Variants in SNAP25 observed in about 807,000 individuals in gnomAD.
The protein encoded by SNAP25 is synaptosomal-associated protein 25.
SNAP25 carries 3 observed loss-of-function variants against 28.7 expected under a neutral mutation model. That is an observed-to-expected ratio of 0.10 (90% CI 0.05 to 0.27). The LOEUF (loss-of-function observed/expected upper bound fraction) is 0.27. Ranked by LOEUF, SNAP25 falls within the 10% of genes least tolerant of loss-of-function variation. The probability of loss-of-function intolerance (pLI) is 1.00; values close to 1 mark genes in which losing one functional copy is unlikely to be tolerated. For synonymous variants in SNAP25, 61 were observed against 88.1 expected (o/e 0.69, Z 1.72); for missense variants, 117 against 278.7 (o/e 0.42, Z 4.13).
intron 1 of SNAP25, among the ~76,000 whole-genome samples, chr20:10,265,669 G>C (rs1326163811): frequency 1.3e-5 from 2 of 152,218 alleles, no homozygotes; most frequent in Non-Finnish European, 2.9e-5. Context: ...CTTTCAGTCA[G>C]CTTGGGAGGT....
intron 1 of SNAP25, among the ~76,000 whole-genome samples, chr20:10,241,728 G>A (rs1450392729): frequency 6.6e-6 from 1 of 152,134 alleles, no homozygotes; most frequent in Non-Finnish European, 1.5e-5. Flanking sequence ...GGGGCAAGGT[G>A]GGTGCTTTCA....
At chr20:10,271,930 C>A (rs1192703133) in intron 1 of SNAP25, among the ~76,000 whole-genome samples, 1 of 152,174 alleles carries the variant, frequency 6.6e-6, no homozygotes, top group Non-Finnish European at 1.5e-5. Context: ...AGGAACCCAG[C>A]AGCAAAATAT....
intron 7 of SNAP25, 35 bp from the exon 8 acceptor site, chr20:10,306,094 T>A (rs770473519): frequency 3.7e-6 from 6 of 1,607,278 alleles, no homozygotes; most frequent in Non-Finnish European, 4.3e-6. Context: ...TTTTAAGGGG[T>A]AACCTGAGTT....
intron 1 of SNAP25, among the ~76,000 whole-genome samples, chr20:10,267,176 A>C (rs1317719076): frequency 2.0e-5 from 3 of 152,316 alleles, no homozygotes; most frequent in East Asian, 3.9e-4. Flanking sequence ...GAAATTTAAA[A>C]CTATATAGAA....
intron 1 of SNAP25, among the ~76,000 whole-genome samples, chr20:10,228,404 C>G (rs1043768087): frequency 2.0e-5 from 3 of 152,112 alleles, no homozygotes; most frequent in African/African-American, 7.2e-5. Flanking sequence ...CATTGAGATC[C>G]TCTAACAGAA....
chr20:10,268,052 G>A (rs1403315948), intron 1 of SNAP25, among the ~76,000 whole-genome samples: 2 of 152,168 alleles, frequency 1.3e-5, no homozygotes, highest in Non-Finnish European at 2.9e-5. Flanking sequence ...CTGAAAGTTT[G>A]TGTAAAGGTA....
At chr20:10,299,134 T>C (rs183579949) in intron 6 of SNAP25, 134 bp from the exon 7 acceptor site, 1 of 1,012,996 alleles carries the variant, frequency 9.9e-7, no homozygotes, top group East Asian at 2.6e-5. Flanking sequence ...AAAATGTGTT[T>C]TTGTACTGGA....
rs759654729 is a variant in SNAP25, at chr20:10,293,032, G to A, written c.164-129G>A. On this transcript the variant is annotated intron_variant, in intron 4 of 7. Coordinates refer to ENST00000254976, the MANE Select transcript of SNAP25 (RefSeq NM_130811.4). The surrounding 1 kb of genome is among the most constrained non-coding windows in gnomAD (Gnocchi z 5.6). ...CTGGGTACCAGCTCTAATCTGTGGCGTCCAGTTTTCTTTCTTTTTTTTTTT... is the reference window on the plus strand; with the variant it reads ...CTGGGTACCAGCTCTAATCTGTGGCATCCAGTTTTCTTTCTTTTTTTTTTT... The A allele has an allele frequency of 2.4e-5, 35 of 1,469,482 alleles. No individual in the cohort carries two copies. Among genetic ancestry groups the A allele is most frequent in the Non-Finnish European group, 2.7e-5 (29 of 1,079,532 alleles). 91.0% of individuals were successfully genotyped at this position (1,469,482 alleles called of 1,614,324 possible).
At chr20:10,273,817 T>G (rs1268633297) in intron 1 of SNAP25, among the ~76,000 whole-genome samples, 1 of 152,204 alleles carries the variant, frequency 6.6e-6, no homozygotes, top group African/African-American at 2.4e-5. Context: ...AGCCCATGCC[T>G]TCTTCAAATG....
intron 6 of SNAP25, 73 bp from the exon 7 acceptor site, chr20:10,299,195 C>G (rs1326193644): frequency 1.3e-6 from 2 of 1,527,588 alleles, no homozygotes; most frequent in Middle Eastern, 1.7e-4. Context: ...CAGATTTCCA[C>G]TATGCTTTGG....
intron 1 of SNAP25, among the ~76,000 whole-genome samples, chr20:10,227,564 G>T (rs1665610245): frequency 1.3e-5 from 2 of 152,060 alleles, no homozygotes; most frequent in Admixed American, 1.3e-4. Context: ...AATTACTTAG[G>T]TTTACCCTAA....
intron 1 of SNAP25, among the ~76,000 whole-genome samples, chr20:10,257,664 TTGCGC>T (rs2063343174): frequency 1.3e-5 from 2 of 150,684 alleles, no homozygotes; most frequent in African/African-American, 5.0e-5. Context: ...TGAGCCGAGA[TTGCGC>T]CATTGCACTC....
intron 1 of SNAP25, among the ~76,000 whole-genome samples, chr20:10,226,854 C>T (rs2062742259): frequency 6.6e-6 from 1 of 152,096 alleles, no homozygotes; most frequent in African/African-American, 2.4e-5. Flanking sequence ...CCCTTAAATA[C>T]ATGACTATAT....
intron 1 of SNAP25, among the ~76,000 whole-genome samples, chr20:10,221,485 G>T (rs946869424): frequency 6.6e-6 from 1 of 152,160 alleles, no homozygotes; most frequent in Admixed American, 6.5e-5. Context: ...GCAATGCGGT[G>T]AGAAGAGGCA....
At chr20:10,284,161 A>G (rs2063831301) in intron 3 of SNAP25, among the ~76,000 whole-genome samples, 1 of 152,120 alleles carries the variant, frequency 6.6e-6, no homozygotes, top group South Asian at 2.1e-4. Flanking sequence ...AAAAATGGAG[A>G]GAGAGTGAGT....
chr20:10,283,726 G>T (rs1030118498), intron 3 of SNAP25, among the ~76,000 whole-genome samples: 2 of 152,130 alleles, frequency 1.3e-5, no homozygotes, highest in Admixed American at 1.3e-4. Context: ...CATGAGAGAG[G>T]TCCTAGCTTA....
chr20:10,222,298 G>A (rs753932965), intron 1 of SNAP25, among the ~76,000 whole-genome samples: 20 of 152,230 alleles, frequency 1.3e-4, no homozygotes, highest in Non-Finnish European at 2.1e-4. Context: ...TAATTTCCAA[G>A]TGAATGTAAC....
At chr20:10,271,954 G>T (rs188692255) in intron 1 of SNAP25, among the ~76,000 whole-genome samples, 23 of 152,290 alleles carry the variant, frequency 1.5e-4, no homozygotes, top group Non-Finnish European at 3.2e-4. Flanking sequence ...GATGGAGCGT[G>T]GGGCCAGAAG....
At chr20:10,277,406 C>A (rs534102694) in intron 2 of SNAP25, among the ~76,000 whole-genome samples, 1 of 152,298 alleles carries the variant, frequency 6.6e-6, no homozygotes, top group South Asian at 2.1e-4. Flanking sequence ...ATTATCTTCT[C>A]CAGATTACTT....
Sources: gnomAD v4.1 joint callset for allele counts (sites outside exome capture counted in the v4.1 genomes callset) on GRCh38, gnomAD v4.1.1 for gene constraint, Gnocchi (gnomAD v3.1) non-coding constraint, MANE v1.5 for transcripts, NCBI Gene and HGNC (gene_info 2026-07-23, HGNC 2026-07-21) for gene names.